Variants in ZFAND2A observed in about 807,000 individuals in gnomAD.
ZFAND2A encodes the protein AN1-type zinc finger protein 2A.
ZFAND2A carries 20 observed loss-of-function variants against 11.6 expected under a neutral mutation model. The ratio of observed to expected loss-of-function variants is 1.72; its 90% CI spans 1.21 to 2.50. The LOEUF (loss-of-function observed/expected upper bound fraction) is 2.50, where lower values mean the gene tolerates loss of function less well. Ranked by LOEUF, ZFAND2A falls within the 30% of genes most tolerant of loss-of-function variation. The pLI, the probability that ZFAND2A is intolerant of heterozygous loss-of-function variation, is 0.00. For missense variants in ZFAND2A, 234 were observed against 182.9 expected, an observed-to-expected ratio of 1.28 and a Z score of -1.61; for synonymous variants, 93 against 60.6, an observed-to-expected ratio of 1.54 and a Z score of -2.48.
At chr7:1,155,878 C>A (rs1793514498) in intron 3 of ZFAND2A, among the ~76,000 whole-genome samples, 1 of 152,248 alleles carries the variant, frequency 6.6e-6, no homozygotes, top group African/African-American at 2.4e-5. Flanking sequence ...GAGAACAGAG[C>A]CTGCCCAGAC....
In ZFAND2A at chr7:1,153,176, G is replaced by A. The variant is rs751477056; in HGVS notation, c.331C>T (p.Leu111=). The change falls in exon 5 of 5, where the codon CTG becomes TTG. Residue 111 remains leucine (L), a synonymous_variant. Coordinates refer to ENST00000316495, the MANE Select transcript of ZFAND2A (RefSeq NM_182491.4). The part of the protein sequence containing the change: ...SKEGCKKKEM[L]QMVCAQCHGN... ...TGACATTGGGCACATACCATCTGCA[G>A]CATCTCTTTCTTCTTGCAGCCCTCT... 2 of 1,614,166 alleles carry A rather than the reference G, an allele frequency of 1.2e-6. No individual in the cohort carries two copies. Among genetic ancestry groups the A allele is most frequent in the African/African-American group, 1.3e-5 (1 of 75,048 alleles).
At chr7:1,152,459 A>T, downstream of ZFAND2A, 1 of 1,287,574 alleles carries the variant, frequency 7.8e-7, no homozygotes, top group Non-Finnish European at 1.0e-6. Context: ...GACGCCAGAC[A>T]CCACCAGGTG....
intron 4 of ZFAND2A, among the ~76,000 whole-genome samples, chr7:1,153,715 T>C (rs1439004398): frequency 6.6e-6 from 1 of 152,110 alleles, no homozygotes; most frequent in Non-Finnish European, 1.5e-5. Context: ...GAAGCCAAGA[T>C]GGGTGGATTG....
At chr7:1,155,382 A>C in intron 4 of ZFAND2A, 71 bp downstream of exon 4, 1 of 1,576,454 alleles carries the variant, frequency 6.3e-7, no homozygotes, top group Middle Eastern at 2.2e-4. Flanking sequence ...ATTTTCAGGT[A>C]GCAAACTGAC....
At chr7:1,157,936 G>C (rs574074158) in intron 2 of ZFAND2A, among the ~76,000 whole-genome samples, 186 bp from the exon 3 acceptor site, 8 of 152,294 alleles carry the variant, frequency 5.3e-5, no homozygotes, top group African/African-American at 1.7e-4. Context: ...GGCATCGCAA[G>C]TATTCCAGCA....
At position 1,158,165 on chromosome 7, in the gene ZFAND2A, C is replaced by T. The variant is rs1196429809; in HGVS notation, c.48G>A (p.Lys16=). ...LGKHCSEKTC[K]QLDFLPVKCD... ...TCTCTTAAAAGTACTCACCTAGCTG[C>T]TTGCAAGTCTTTTCTGAACAATGCT... The change falls in exon 2 of 5, where the codon AAG becomes AAA. Residue 16 remains lysine (K), a synonymous_variant. Coordinates refer to ENST00000316495, the MANE Select transcript of ZFAND2A (RefSeq NM_182491.4). 1.2e-6 allele frequency: 2 copies of T among 1,614,128 alleles called. No individual in the cohort carries two copies. The highest frequency in any genetic ancestry group is 4.5e-5 in the East Asian group (2 of 44,886).
chr7:1,150,196 TCAC>T (rs764015513), downstream of ZFAND2A, among the ~76,000 whole-genome samples: 3 of 152,166 alleles, frequency 2.0e-5, no homozygotes, highest in Non-Finnish European at 2.9e-5. Flanking sequence ...TGTTCTGCGA[TCAC>T]CAACATATAC....
downstream of ZFAND2A, chr7:1,152,403 C>T: frequency 1.4e-6 from 2 of 1,458,684 alleles, no homozygotes; most frequent in Non-Finnish European, 1.8e-6. Context: ...AGAACCCACA[C>T]AGCTTCCTGC....
In ZFAND2A at chr7:1,152,922, AATTTT is replaced by A. The variant is rs770788188; in HGVS notation, c.*142_*146del. On this transcript the variant is annotated 3_prime_UTR_variant, in exon 5 of 5. Transcript: ENST00000316495. ...ACAACTAGAATCAACTTCAGCATTC[AATTTT>A]ATTATAGTCCCATCTCCCTCAACAA... 4 of 1,174,650 alleles carry A rather than the reference AATTTT, an allele frequency of 3.4e-6. No homozygotes were observed. Among genetic ancestry groups the A allele is most frequent in the Non-Finnish European group, 5.0e-6 (4 of 805,034 alleles). 72.8% of individuals were successfully genotyped at this position (1,174,650 alleles called of 1,614,324 possible).
chr7:1,155,249 TG>T (rs1473989850), intron 4 of ZFAND2A, among the ~76,000 whole-genome samples: 2 of 152,182 alleles, frequency 1.3e-5, no homozygotes, highest in Non-Finnish European at 2.9e-5. Flanking sequence ...GAACCTGACC[TG>T]GGATCCCTCA....
intron 3 of ZFAND2A, among the ~76,000 whole-genome samples, chr7:1,155,994 C>G (rs115699230): frequency 6.6e-6 from 1 of 152,242 alleles, no homozygotes; most frequent in Non-Finnish European, 1.5e-5. Flanking sequence ...GTGGCTTCTA[C>G]GTACACAGAG....
In ZFAND2A at chr7:1,152,974, G is replaced by C; in HGVS notation, c.*95C>G. 1 of 1,501,976 alleles carries C rather than the reference G, an allele frequency of 6.7e-7. No homozygotes were observed. Among genetic ancestry groups the C allele is most frequent in the Non-Finnish European group, 9.2e-7 (1 of 1,092,424 alleles). 93.0% of individuals were successfully genotyped at this position (1,501,976 alleles called of 1,614,324 possible). A position where few individuals can be genotyped will look rare whatever the true frequency, so the allele number is the denominator to read the frequency against. On this transcript the variant is annotated 3_prime_UTR_variant, in exon 5 of 5. Transcript: ENST00000316495. Reference sequence around the variant, plus strand: ...ACAAACAAGATCAGCAGCCAGTGTGGGATGGTGCTCAATGGGGCTCCACTT... The same window carrying C: ...ACAAACAAGATCAGCAGCCAGTGTGCGATGGTGCTCAATGGGGCTCCACTT...
downstream of ZFAND2A, chr7:1,152,226 G>A (rs754457416): frequency 8.7e-5 from 136 of 1,554,340 alleles, no homozygotes; most frequent in Non-Finnish European, 1.1e-4. Context: ...CCACACAGAC[G>A]AAATTGCGTT....
chr7:1,150,441 A>G (rs1793377967), downstream of ZFAND2A, among the ~76,000 whole-genome samples: 1 of 152,108 alleles, frequency 6.6e-6, no homozygotes, highest in Admixed American at 6.6e-5. Flanking sequence ...ATTTTGTTTC[A>G]CCTTATTCCC....
chr7:1,158,147 A>G lies in ZFAND2A; in HGVS notation c.55+11T>C. 1.9e-6 allele frequency: 3 copies of G among 1,613,014 alleles called. No homozygotes were observed. Among genetic ancestry groups the G allele is most frequent in the Non-Finnish European group, 2.5e-6 (3 of 1,179,416 alleles). On this transcript the variant is annotated intron_variant, in intron 2 of 4. Transcript: ENST00000316495. ...ATACCATTTTCTATTAAGTCTCTTA[A>G]AAGTACTCACCTAGCTGCTTGCAAG... is the stretch of plus-strand genomic sequence containing the variant.
At chr7:1,154,907 G>A (rs10279766) in intron 4 of ZFAND2A, among the ~76,000 whole-genome samples, 1 of 151,916 alleles carries the variant, frequency 6.6e-6, no homozygotes, top group African/African-American at 2.4e-5. Context: ...ATCATAAGGT[G>A]AGGAGTTCAA....
intron 4 of ZFAND2A, among the ~76,000 whole-genome samples, chr7:1,153,869 A>C (rs528836438): frequency 1.2e-3 from 182 of 152,204 alleles, no homozygotes; most frequent in Middle Eastern, 6.8e-3. Flanking sequence ...TTGCTAGAGG[A>C]GGCAGAGGCG....
intron 2 of ZFAND2A, 94 bp downstream of exon 2, chr7:1,158,064 G>T: frequency 7.9e-7 from 1 of 1,260,654 alleles, no homozygotes. Flanking sequence ...GAGGAGCCAG[G>T]AAGGCCAAGA....
intron 4 of ZFAND2A, among the ~76,000 whole-genome samples, chr7:1,153,762 T>C (rs1793455246): frequency 6.6e-6 from 1 of 152,104 alleles, no homozygotes; most frequent in South Asian, 2.1e-4. Flanking sequence ...TTGGGCAACA[T>C]GGTGAAACCC....
Sources: gnomAD v4.1 joint callset for allele counts (sites outside exome capture counted in the v4.1 genomes callset) on GRCh38, gnomAD v4.1.1 for gene constraint, MANE v1.5 for transcripts, NCBI Gene and HGNC (gene_info 2026-07-23, HGNC 2026-07-21) for gene names.